Variants in POF1B observed in about 807,000 individuals in gnomAD.
The protein encoded by POF1B is protein POF1B.
POF1B carries 53 observed loss-of-function variants against 55.3 expected under a neutral mutation model. That is an observed-to-expected ratio of 0.96 (90% CI 0.77 to 1.20). The LOEUF (loss-of-function observed/expected upper bound fraction) is 1.20. Among genes scored for constraint, POF1B ranks in the 50% most tolerant of loss-of-function variants. The pLI is 0.00. For missense variants in POF1B, 478 were observed against 420.5 expected (o/e 1.14, Z -1.20); for synonymous variants, 188 against 148.3 (o/e 1.27, Z -1.95).
rs752359426 is a variant in POF1B at position 85,341,160 on chromosome X, G to A, written c.723+4700C>T. Among the ~76,000 whole-genome samples, 68 of 111,001 alleles carry A rather than the reference G, an allele frequency of 6.1e-4. 1 individual carries two copies. The highest frequency in any genetic ancestry group is 8.5e-4 in the Non-Finnish European group (45 of 52,715). ...TGTAACACTGATAAATCAAGACATAGCAGCATAAGTATACCCATACTATAA... is the reference window on the plus strand; with the variant it reads ...TGTAACACTGATAAATCAAGACATAACAGCATAAGTATACCCATACTATAA... On this transcript the variant is annotated intron_variant, in intron 6 of 16. Transcript: ENST00000262753.
At chrX:85,304,273 G>A (rs1350194442) in intron 14 of POF1B, 70 bp downstream of exon 14, 1 of 949,131 alleles carries the variant, frequency 1.1e-6, no homozygotes, top group Non-Finnish European at 1.4e-6. Flanking sequence ...TCCATGGGAA[G>A]TATTTATCCT....
intron 5 of POF1B, among the ~76,000 whole-genome samples, chrX:85,348,622 T>C (rs1487366846): frequency 9.0e-6 from 1 of 111,454 alleles, no homozygotes; most frequent in Non-Finnish European, 1.9e-5. Context: ...GCAATTGCAG[T>C]TTGCTCTATC....
intron 5 of POF1B, among the ~76,000 whole-genome samples, chrX:85,350,778 CACAATGAGGT>C (rs1171916487): frequency 9.0e-6 from 1 of 111,038 alleles, no homozygotes; most frequent in African/African-American, 3.3e-5. Context: ...AAATCAAAAC[CACAATGAGGT>C]ACCATCTCAC....
intron 6 of POF1B, among the ~76,000 whole-genome samples, chrX:85,343,576 A>G (rs1272252781): frequency 4.5e-5 from 5 of 110,918 alleles, no homozygotes; most frequent in Admixed American, 9.7e-5. Flanking sequence ...TTCTCCATTG[A>G]TTTTTTCAAG....
intron 2 of POF1B, among the ~76,000 whole-genome samples, chrX:85,368,098 A>G (rs1010734419): frequency 8.9e-6 from 1 of 111,806 alleles, no homozygotes; most frequent in Non-Finnish European, 1.9e-5. Context: ...ATAATATTTT[A>G]CAAACAAAAC....
intron 8 of POF1B, 152 bp downstream of exon 8, chrX:85,315,555 A>C (rs1207906017): frequency 2.9e-6 from 1 of 340,885 alleles, no homozygotes; most frequent in African/African-American, 2.7e-5. Flanking sequence ...TAGTGTTTAT[A>C]TAATTTTAAA....
intron 7 of POF1B, among the ~76,000 whole-genome samples, chrX:85,323,946 T>C (rs1054916054): frequency 1.8e-5 from 2 of 112,354 alleles, no homozygotes; most frequent in Admixed American, 9.5e-5. Context: ...AAGAATTTCT[T>C]GATTTCTGGC....
chrX:85,365,985 A>G (rs1055632424), intron 3 of POF1B, among the ~76,000 whole-genome samples: 1 of 111,510 alleles, frequency 9.0e-6, no homozygotes, highest in Admixed American at 9.6e-5. Context: ...CATATCATCC[A>G]TATAAAGAGA....
At chrX:85,325,067 G>T (rs940540618) in intron 7 of POF1B, among the ~76,000 whole-genome samples, 1 of 111,766 alleles carries the variant, frequency 8.9e-6, no homozygotes, top group African/African-American at 3.3e-5. Context: ...TCTGCTGCTG[G>T]CCCAATGAGA....
At position 85,278,666 on chromosome X, in the gene POF1B, C is replaced by A. The variant is rs41310691; in HGVS notation, c.*755G>T. 1 of 111,048 alleles carries A rather than the reference C, an allele frequency of 9.0e-6. No individual in the cohort carries two copies. Among genetic ancestry groups the A allele is most frequent in the Non-Finnish European group, 1.9e-5 (1 of 52,510 alleles). 9.2% of individuals were successfully genotyped at this position (111,048 alleles called of 1,213,427 possible). Reference sequence around the variant, plus strand: ...CTTACCTTCCTTACACCTACTACTACCACATTGTGTTATATGTTTTTTAAG... The same window carrying A: ...CTTACCTTCCTTACACCTACTACTAACACATTGTGTTATATGTTTTTTAAG... On this transcript the variant is annotated 3_prime_UTR_variant, in exon 17 of 17. Coordinates refer to ENST00000262753, the MANE Select transcript of POF1B (RefSeq NM_024921.4).
intron 4 of POF1B, 25 bp from the exon 5 acceptor site, chrX:85,351,476 T>C (rs1339991178): frequency 2.7e-6 from 3 of 1,116,255 alleles, no homozygotes; most frequent in Non-Finnish European, 1.2e-6. Flanking sequence ...AATTATATGT[T>C]TTGTTTTGAA....
intron 6 of POF1B, among the ~76,000 whole-genome samples, chrX:85,344,301 G>A (rs1420022359): frequency 9.0e-6 from 1 of 110,684 alleles, no homozygotes; most frequent in Non-Finnish European, 1.9e-5. Flanking sequence ...CTCTTCCTAG[G>A]ATATTATTTC....
chrX:85,319,199 G>T (rs1424031927), intron 7 of POF1B, among the ~76,000 whole-genome samples: 1 of 111,566 alleles, frequency 9.0e-6, no homozygotes, highest in African/African-American at 3.3e-5. Context: ...AAATGTAGCT[G>T]ATTTTTGTAC....
intron 3 of POF1B, among the ~76,000 whole-genome samples, chrX:85,363,061 T>C (rs552776012): frequency 2.7e-5 from 3 of 111,461 alleles, no homozygotes; most frequent in African/African-American, 9.8e-5. Context: ...TTTCTAATGG[T>C]AATTTTTATT....
chrX:85,289,654 C>A (rs931216113), intron 15 of POF1B, among the ~76,000 whole-genome samples: 1 of 111,440 alleles, frequency 9.0e-6, no homozygotes, highest in Non-Finnish European at 1.9e-5. Flanking sequence ...AACAAAAAAA[C>A]CAAAACCAAA....
At chrX:85,363,259 T>C (rs1472806284) in intron 3 of POF1B, among the ~76,000 whole-genome samples, 1 of 111,192 alleles carries the variant, frequency 9.0e-6, no homozygotes, top group African/African-American at 3.3e-5. Context: ...AGTTCAGCAA[T>C]GATTTGGTTA....
intron 7 of POF1B, among the ~76,000 whole-genome samples, chrX:85,324,127 A>T (rs777831562): frequency 8.9e-6 from 1 of 112,067 alleles, no homozygotes; most frequent in Non-Finnish European, 1.9e-5. Context: ...TGATTGCTTT[A>T]TGCTCAATTT....
rs1193239527 is a variant in POF1B at position 85,331,190 on chromosome X, A to C, written c.724-111T>G. The C allele has an allele frequency of 1.1e-5, 9 of 802,500 alleles. No homozygotes were observed. The African/African-American group carries it at 1.9e-4, about 17-fold the overall frequency. The allele number at this position is 802,500 out of a possible 1,213,427, so 66.1% of individuals were successfully genotyped here. On this transcript the variant is annotated intron_variant, in intron 6 of 16. Transcript: ENST00000262753. ...ACCTACTAAAGTCATCACATAAATC[A>C]AGCCATTTTTTTCAGGGATACATTT...
intron 6 of POF1B, among the ~76,000 whole-genome samples, chrX:85,335,479 A>G (rs2147928107): frequency 9.0e-6 from 1 of 111,305 alleles, no homozygotes; most frequent in East Asian, 2.8e-4. Flanking sequence ...TCCCTGACAA[A>G]ATTAAATGCA....
Sources: allele counts gnomAD v4.1 joint callset (sites outside exome capture counted in the v4.1 genomes callset), GRCh38; gene constraint gnomAD v4.1.1; transcripts MANE v1.5; gene names NCBI Gene and HGNC (gene_info 2026-07-23, HGNC 2026-07-21).